Variants in TEKT4 observed in about 807,000 individuals in gnomAD.
TEKT4 encodes tektin 4.
In TEKT4, 46 loss-of-function variants were observed where a neutral mutation model predicts 46.0. That is an observed-to-expected ratio of 1.00 (90% confidence interval 0.79 to 1.28). TEKT4 has a LOEUF of 1.28. Ranked by LOEUF, TEKT4 falls within the 50% of genes most tolerant of loss-of-function variation. The pLI is 0.00. For synonymous variants in TEKT4, 325 were observed against 265.8 expected (o/e 1.22, Z -2.17); for missense variants, 790 against 622.9 (o/e 1.27, Z -2.85).
chr2:94,875,048 G>C, intron 4 of TEKT4, 50 bp downstream of exon 4: 2 of 1,513,628 alleles, frequency 1.3e-6, no homozygotes, highest in Non-Finnish European at 1.8e-6. Flanking sequence ...ACCTGGCCTG[G>C]GCCCTCAACA....
chr2:94,872,050 C>A lies in TEKT4; in HGVS notation c.471C>A (p.Arg157=), dbSNP rs1317793339. 2.6e-6 allele frequency: 4 copies of A among 1,552,370 alleles called. No individual in the cohort carries two copies. In the African/African-American group the frequency reaches 4.1e-5, roughly 16 times the overall value. ...GCCGCGAGCACCCCAACCTCGTGCG[C>A]GACCATGTGGAAACGGAGCTGCTGA... ...RERREHPNLV[R]DHVETELLKE... Residue 157 remains arginine, a synonymous_variant, in exon 1 of 6, where the codon CGC becomes CGA. Transcript: ENST00000295201.
At chr2:94,872,159 C>A (rs552477197) in intron 1 of TEKT4, 82 bp downstream of exon 1, 10 of 1,453,726 alleles carry the variant, frequency 6.9e-6, no homozygotes, top group Middle Eastern at 2.5e-4. Context: ...GGACAAGCCA[C>A]GTGGCTGCTG....
In TEKT4 at chr2:94,875,688, AC is replaced by A. The variant is rs1553396307; in HGVS notation, c.1039del (p.Leu347CysfsTer20). 1 of 1,614,158 alleles carries A rather than the reference AC, an allele frequency of 6.2e-7. No individual in the cohort carries two copies. Among genetic ancestry groups the A allele is most frequent in the East Asian group, 2.2e-5 (1 of 44,862 alleles). ...APLHVAQTRLYLRSHRPNMEL... is the reference protein window; with the variant it reads ...APLHVAQTRLXLRSHRPNMEL... Reference sequence around the variant, plus strand: ...CTGCACGTAGCCCAGACCCGGCTGTACCTGCGCTCGCACCGGCCCAACATGG... The same window carrying A: ...CTGCACGTAGCCCAGACCCGGCTGTACTGCGCTCGCACCGGCCCAACATGG... On this transcript the variant is annotated frameshift_variant, in exon 5 of 6. Transcript: ENST00000295201. LOFTEE classifies it high-confidence loss of function.
chr2:94,874,307 G>A (rs1237592289), intron 3 of TEKT4, among the ~76,000 whole-genome samples, 199 bp downstream of exon 3: 15 of 152,192 alleles, frequency 9.9e-5, no homozygotes, highest in Admixed American at 5.2e-4. Flanking sequence ...CCTGGCTGCC[G>A]GCAGACAGGA....
At chr2:94,875,832 A>G in intron 5 of TEKT4, 90 bp downstream of exon 5, 2 of 1,349,200 alleles carry the variant, frequency 1.5e-6, no homozygotes, top group Middle Eastern at 2.2e-4. Flanking sequence ...CACCCCGCAC[A>G]CACATCCCCC....
chr2:94,875,853 A>C, intron 5 of TEKT4, 111 bp downstream of exon 5: 1 of 1,164,878 alleles, frequency 8.6e-7, no homozygotes, highest in Non-Finnish European at 1.2e-6. Flanking sequence ...GCAGGTGCTG[A>C]GAGGGGAGGG....
At chr2:94,874,247 T>C in intron 3 of TEKT4, 139 bp downstream of exon 3, 1 of 912,026 alleles carries the variant, frequency 1.1e-6, no homozygotes, top group East Asian at 2.6e-5. Context: ...TGTCTGCCCC[T>C]GGCATGAGCA....
In TEKT4 at chr2:94,872,001, C is replaced by T; in HGVS notation, c.422C>T (p.Thr141Ile). 1 of 1,597,316 alleles carries T rather than the reference C, an allele frequency of 6.3e-7. No individual in the cohort carries two copies. Among genetic ancestry groups the T allele is most frequent in the South Asian group, 1.1e-5 (1 of 88,666 alleles). The change falls in exon 1 of 6, where the codon ACT becomes ATT. Residue 141 changes from threonine (T) to isoleucine (I), a missense_variant. Physicochemically the swap from Thr to Ile is moderately conservative, Grantham distance 89. Coordinates refer to ENST00000295201, the MANE Select transcript of TEKT4 (RefSeq NM_144705.4). ...ACAGAGGTGCCCTTCTCCATCACCA[C>T]TGACAACCTGCAGTGCCGTGAGCGC... Reference protein sequence around the residue: ...DATEVPFSITTDNLQCRERRE... With the variant: ...DATEVPFSITIDNLQCRERRE...
Position 94,873,577 on chromosome 2 carries a change from G to C in TEKT4, c.556G>C (p.Val186Leu), listed in dbSNP as rs781869889. ...ELLKRTIMQA[V>L]SQIRLNREHK... ...GCTGAAGAGAACCATCATGCAAGCA[G>C]TGAGCCAGATCCGGTGGGTAGAGGG... is the stretch of plus-strand genomic sequence containing the variant. Residue 186 changes from valine (V) to leucine (L), a missense_variant, in exon 2 of 6, where the codon GTG becomes CTG. Transcript: ENST00000295201. 6 of 1,613,406 alleles carry C rather than the reference G, an allele frequency of 3.7e-6. No homozygotes were observed. The South Asian group carries it at 5.5e-5, about 15-fold the overall frequency.
chr2:94,876,672 T>A lies in TEKT4; in HGVS notation c.1211T>A (p.Ile404Asn), dbSNP rs141697549. Residue 404 changes from isoleucine (I) to asparagine (N), a missense_variant, in exon 6 of 6, where the codon ATT becomes AAT. Transcript: ENST00000295201. The part of the protein sequence containing the change: ...EDIHMSLEKD[I>N]AAMTNSLFID... ...ATCCACATGAGCCTGGAGAAGGACA[T>A]TGCCGCCATGACCAACAGTCTCTTC... 6.2e-7 allele frequency: 1 copy of A among 1,613,454 alleles called. No homozygotes were observed. Among genetic ancestry groups the A allele is most frequent in the Non-Finnish European group, 8.5e-7 (1 of 1,180,018 alleles).
At position 94,874,818 on chromosome 2, in the gene TEKT4, TC is replaced by T. The variant is rs781888841; in HGVS notation, c.757del (p.Leu253CysfsTer36). On this transcript the variant is annotated frameshift_variant, in exon 4 of 6. Coordinates refer to ENST00000295201, the MANE Select transcript of TEKT4 (RefSeq NM_144705.4). LOFTEE classifies it high-confidence loss of function. ...ETRAKFTQDN[L>X]CRAQRERLAS... The stretch of plus-strand genomic sequence containing the variant: ...CCCGGGCCAAGTTCACGCAGGACAA[TC>T]TGTGCCGTGCCCAGCGCGAGCGCCT... 1 of 1,602,702 alleles carries T rather than the reference TC, an allele frequency of 6.2e-7. No individual in the cohort carries two copies. The highest frequency in any genetic ancestry group is 8.5e-7 in the Non-Finnish European group (1 of 1,176,006).
chr2:94,876,648 T>C lies in TEKT4; in HGVS notation c.1187T>C (p.Ile396Thr). 6.2e-7 allele frequency: 1 copy of C among 1,613,312 alleles called. No homozygotes were observed. The highest frequency in any genetic ancestry group is 8.5e-7 in the Non-Finnish European group (1 of 1,179,970). Residue 396 changes from isoleucine to threonine, a missense_variant, in exon 6 of 6, where the codon ATC (isoleucine) becomes ACC (threonine). Ile to Thr is a moderately conservative substitution (Grantham distance 89). Coordinates refer to ENST00000295201, the MANE Select transcript of TEKT4 (RefSeq NM_144705.4). ...AEQSLRNLED[I>T]HMSLEKDIAA... ...CAGTCCCTGCGCAACCTCGAGGACATCCACATGAGCCTGGAGAAGGACATT... is the reference window on the plus strand; with the variant it reads ...CAGTCCCTGCGCAACCTCGAGGACACCCACATGAGCCTGGAGAAGGACATT...
chr2:94,873,146 G>A (rs1437601438), intron 1 of TEKT4: 26 of 1,225,420 alleles, frequency 2.1e-5, no homozygotes, highest in African/African-American at 6.3e-5. Flanking sequence ...CAGCCTGGGC[G>A]GGCATCTGGG....
intron 1 of TEKT4, chr2:94,872,291 CT>C (rs1680613520): frequency 1.6e-6 from 1 of 625,982 alleles, no homozygotes; most frequent in Non-Finnish European, 2.8e-6. Flanking sequence ...TGTTTCTCCT[CT>C]CCTCCTCTAA....
At chr2:94,872,214 C>A in intron 1 of TEKT4, 137 bp downstream of exon 1, 1 of 1,188,200 alleles carries the variant, frequency 8.4e-7, no homozygotes, top group Non-Finnish European at 1.1e-6. Flanking sequence ...ACCCCTGAGT[C>A]CCGAAATCTG....
Position 94,875,003 on chromosome 2 carries a change from G to A in TEKT4, c.936+5G>A. On this transcript the variant is annotated splice_donor_5th_base_variant and intron_variant, in intron 4 of 5. Transcript: ENST00000295201. Reference sequence around the variant, plus strand: ...CTGCATCACCACCTGCACAAGGTGGGGCACCCTGAACCCCGAAGACGGCCC... The same window carrying A: ...CTGCATCACCACCTGCACAAGGTGGAGCACCCTGAACCCCGAAGACGGCCC... 6.3e-7 allele frequency: 1 copy of A among 1,593,754 alleles called. No homozygotes were observed. The highest frequency in any genetic ancestry group is 8.5e-7 in the Non-Finnish European group (1 of 1,170,828).
At chr2:94,874,553 C>T (rs1309435946) in intron 3 of TEKT4, among the ~76,000 whole-genome samples, 6 of 46,800 alleles carry the variant, frequency 1.3e-4, no homozygotes, top group South Asian at 7.0e-4. Context: ...ACTAAGTGCC[C>T]GGGGTGGGTA....
chr2:94,871,482 G>C lies in TEKT4; in HGVS notation c.-98G>C. 7.1e-7 allele frequency: 1 copy of C among 1,413,936 alleles called. No individual in the cohort carries two copies. The highest frequency in any genetic ancestry group is 1.5e-5 in the South Asian group (1 of 67,236). The allele number at this position is 1,413,936 out of a possible 1,614,324, so 87.6% of individuals were successfully genotyped here. A position where few individuals can be genotyped will look rare whatever the true frequency, so the allele number is the denominator to read the frequency against. ...GGGAGCCGCGTCCTGCTCTGGGACT[G>C]AGCCGTTGGAGCTGCCCCGCTGACC... On this transcript the variant is annotated 5_prime_UTR_variant, in exon 1 of 6. Coordinates refer to ENST00000295201, the MANE Select transcript of TEKT4 (RefSeq NM_144705.4).
intron 1 of TEKT4, chr2:94,872,366 T>G: frequency 1.9e-6 from 1 of 520,670 alleles, no homozygotes; most frequent in Non-Finnish European, 3.4e-6. Context: ...ACAAGGCACC[T>G]CCCCAGAGAC....
Sources: gnomAD v4.1 joint callset for allele counts (sites outside exome capture counted in the v4.1 genomes callset) on GRCh38, gnomAD v4.1.1 for gene constraint, MANE v1.5 for transcripts, NCBI Gene and HGNC (gene_info 2026-07-23, HGNC 2026-07-21) for gene names.